KCNMB2: variants seen among roughly 807,000 people sequenced by gnomAD.
KCNMB2 encodes the protein calcium-activated potassium channel subunit beta-2.
A neutral mutation model predicts 24.5 loss-of-function variants in KCNMB2; 9 were observed. The ratio of observed to expected loss-of-function variants is 0.37; its 90% CI spans 0.22 to 0.64. The LOEUF (loss-of-function observed/expected upper bound fraction) is 0.64, where lower values mean the gene tolerates loss of function less well. Among genes scored for constraint, KCNMB2 ranks in the 30% least tolerant of loss-of-function variants. The probability of loss-of-function intolerance (pLI) is 0.63; values close to 1 mark genes in which losing one functional copy is unlikely to be tolerated. For synonymous variants in KCNMB2, 109 were observed against 104.4 expected, an observed-to-expected ratio of 1.04 and a Z score of -0.27; for missense variants, 226 against 284.3, an observed-to-expected ratio of 0.79 and a Z score of 1.47.
At chr3:178,697,295 G>T (rs1328318298) in intron 1 of KCNMB2, among the ~76,000 whole-genome samples, 5 of 152,178 alleles carry the variant, frequency 3.3e-5, no homozygotes, top group South Asian at 2.1e-4. Context: ...TCCTGTGTTG[G>T]GTACATATAT....
chr3:178,739,032 G>A (rs1723408614), intron 1 of KCNMB2, among the ~76,000 whole-genome samples: 1 of 151,548 alleles, frequency 6.6e-6, no homozygotes, highest in East Asian at 1.9e-4. Context: ...CAATTGATAT[G>A]TAGTAAGGAA....
chr3:178,691,500 C>T (rs1335540694), intron 1 of KCNMB2, among the ~76,000 whole-genome samples: 1 of 152,038 alleles, frequency 6.6e-6, no homozygotes, highest in African/African-American at 2.4e-5. Flanking sequence ...TAAGTGAAAA[C>T]ATGTGGTATT....
intron 1 of KCNMB2, among the ~76,000 whole-genome samples, chr3:178,672,361 G>C (rs2108584583): frequency 6.6e-6 from 1 of 152,260 alleles, no homozygotes; most frequent in African/African-American, 2.4e-5. Context: ...TAGCTAATAA[G>C]AGGCAGCTGG....
intron 1 of KCNMB2, among the ~76,000 whole-genome samples, chr3:178,617,351 G>A: frequency 6.6e-6 from 1 of 151,534 alleles, no homozygotes; most frequent in East Asian, 2.0e-4. Flanking sequence ...GAGGTCAGGA[G>A]ATCGAGACCA....
At chr3:178,684,470 T>C (rs1255630081) in intron 1 of KCNMB2, among the ~76,000 whole-genome samples, 1 of 151,800 alleles carries the variant, frequency 6.6e-6, no homozygotes, top group African/African-American at 2.4e-5. Flanking sequence ...TTGTGCCAAA[T>C]AAGTAGATTT....
At chr3:178,755,225 T>A (rs1003815163) in intron 1 of KCNMB2, among the ~76,000 whole-genome samples, 1 of 152,214 alleles carries the variant, frequency 6.6e-6, no homozygotes, top group Admixed American at 6.5e-5. Context: ...GCCCCATGAA[T>A]GAACCTGGCA....
intron 1 of KCNMB2, among the ~76,000 whole-genome samples, chr3:178,743,520 C>T (rs1006604569): frequency 8.5e-5 from 13 of 152,340 alleles, no homozygotes; most frequent in Admixed American, 6.5e-4. Context: ...ACTCCCCAGG[C>T]TCCTGCTGTG....
At chr3:178,655,242 C>T (rs1267407287) in intron 1 of KCNMB2, among the ~76,000 whole-genome samples, 1 of 151,808 alleles carries the variant, frequency 6.6e-6, no homozygotes, top group African/African-American at 2.4e-5. Flanking sequence ...AATGGTACTT[C>T]AGTATTAATT....
At chr3:178,637,256 T>C (rs186386007) in intron 1 of KCNMB2, among the ~76,000 whole-genome samples, 2 of 152,334 alleles carry the variant, frequency 1.3e-5, no homozygotes, top group Admixed American at 1.3e-4. Context: ...TATTTCTGCT[T>C]CTAGGTCTTT....
At chr3:178,735,325 T>G (rs1162014090) in intron 1 of KCNMB2, among the ~76,000 whole-genome samples, 1 of 114,654 alleles carries the variant, frequency 8.7e-6, no homozygotes, top group African/African-American at 3.9e-5. Flanking sequence ...ATGACTTCAC[T>G]CCAGGGTGCC....
chr3:178,646,581 G>C (rs1309277262), intron 1 of KCNMB2, among the ~76,000 whole-genome samples: 1 of 151,948 alleles, frequency 6.6e-6, no homozygotes, highest in Non-Finnish European at 1.5e-5. Flanking sequence ...CTGTAAAGAA[G>C]TAAGAACCTG....
In KCNMB2 at chr3:178,817,218, T is replaced by TATATATATATATATATATATAC. The variant is rs147866886; in HGVS notation, c.57-8361_57-8360insTATATATATATACATATATATA. ...GACAAAATCCTTCATGTTAATGACA[T>TATATATATATATATATATATAC]ATATATATAAATGAAGTGTGACTGT... On this transcript the variant is annotated intron_variant, in intron 2 of 4. Coordinates refer to ENST00000452583, the MANE Select transcript of KCNMB2 (RefSeq NM_181361.3). Among the ~76,000 whole-genome samples, 163 of 134,958 alleles carry TATATATATATATATATATATAC rather than the reference T, an allele frequency of 1.2e-3. 19 individuals are homozygous for TATATATATATATATATATATAC. The highest frequency in any genetic ancestry group is 4.9e-3 in the African/African-American group (147 of 30,078). 88.5% of individuals were successfully genotyped at this position (134,958 alleles called of 152,430 possible). A position where few individuals can be genotyped will look rare whatever the true frequency, so the allele number is the denominator to read the frequency against.
intron 1 of KCNMB2, among the ~76,000 whole-genome samples, chr3:178,594,232 T>A (rs535924185): frequency 6.6e-6 from 1 of 152,144 alleles, no homozygotes; most frequent in East Asian, 1.9e-4. Context: ...TTCTAGCAAA[T>A]AATTGGTATG....
rs56697440 is a variant in KCNMB2, at chr3:178,698,486, T to A, written c.-67-108857T>A. 1.7e-3 allele frequency among the ~76,000 whole-genome samples: 254 copies of A among 152,346 alleles called. 1 individual carries two copies. The highest frequency in any genetic ancestry group is 5.8e-3 in the African/African-American group (243 of 41,580). The stretch of plus-strand genomic sequence containing the variant: ...TATCTGGTCAGTTACATTCTTATTT[T>A]TACTGGTTATTTGTCTGCCAACTCC... On this transcript the variant is annotated intron_variant, in intron 1 of 4. Transcript: ENST00000452583.
At chr3:178,761,466 A>C (rs771760184) in intron 1 of KCNMB2, among the ~76,000 whole-genome samples, 1 of 152,196 alleles carries the variant, frequency 6.6e-6, no homozygotes, top group Admixed American at 6.5e-5. Flanking sequence ...GTCTATCCAC[A>C]TCCTATTAGT....
intron 1 of KCNMB2, among the ~76,000 whole-genome samples, chr3:178,652,210 T>C (rs1351279235): frequency 6.6e-6 from 1 of 152,066 alleles, no homozygotes; most frequent in Non-Finnish European, 1.5e-5. Context: ...TACAAGGAAC[T>C]TAAACGAATT....
intron 1 of KCNMB2, among the ~76,000 whole-genome samples, chr3:178,736,026 C>CT (rs1723304948): frequency 6.6e-6 from 1 of 152,102 alleles, no homozygotes; most frequent in African/African-American, 2.4e-5. Context: ...TTTCACACAT[C>CT]TTTTTTAATA....
intron 1 of KCNMB2, chr3:178,537,327 G>A (rs1224022681): frequency 6.6e-6 from 1 of 152,206 alleles, no homozygotes; most frequent in Non-Finnish European, 1.5e-5. Context: ...CCTAAGCAGA[G>A]TAAGAGTTTT....
At chr3:178,586,538 C>CTTTTTTTTTCTTTTTTTTT (rs1717439508) in intron 1 of KCNMB2, among the ~76,000 whole-genome samples, 2 of 68,500 alleles carry the variant, frequency 2.9e-5, no homozygotes, top group African/African-American at 1.1e-4. Context: ...TTTTTTCTTT[C>CTTTTTTTTTCTTTTTTTTT]TTTTTTTTTT....
Sources: gnomAD v4.1 joint callset for allele counts (sites outside exome capture counted in the v4.1 genomes callset) on GRCh38, gnomAD v4.1.1 for gene constraint, MANE v1.5 for transcripts, NCBI Gene and HGNC (gene_info 2026-07-23, HGNC 2026-07-21) for gene names.